Variants in CNTN5 observed in about 807,000 individuals in gnomAD.
CNTN5 encodes the protein contactin-5.
Under a neutral mutation model 129.1 loss-of-function variants are expected in CNTN5, and 77 were observed. That is an observed-to-expected ratio of 0.60 (90% CI 0.50 to 0.72). CNTN5 has a LOEUF of 0.72. CNTN5 is among the 30% of genes least tolerant of loss of function. The pLI is 0.00. For synonymous variants in CNTN5, 509 were observed against 465.6 expected (o/e 1.09, Z -1.20); for missense variants, 1,478 against 1,328.8 (o/e 1.11, Z -1.75).
At chr11:99,195,820 G>T (rs1037462830) in intron 1 of CNTN5, among the ~76,000 whole-genome samples, 2 of 151,904 alleles carry the variant, frequency 1.3e-5, no homozygotes, top group African/African-American at 4.8e-5. Context: ...ATGTTAGTAA[G>T]TATGTCTATT....
intron 4 of CNTN5, among the ~76,000 whole-genome samples, chr11:99,826,539 G>A (rs139958803): frequency 4.4e-4 from 67 of 152,286 alleles, no homozygotes; most frequent in Non-Finnish European, 7.1e-4. Flanking sequence ...AATTTAACCT[G>A]TGTTGTATGA....
At chr11:100,038,237 T>C (rs1401638042) in intron 9 of CNTN5, among the ~76,000 whole-genome samples, 1 of 152,214 alleles carries the variant, frequency 6.6e-6, no homozygotes, top group African/African-American at 2.4e-5. Flanking sequence ...CCAGTAGTCA[T>C]TCAGGAGCAG....
intron 3 of CNTN5, among the ~76,000 whole-genome samples, chr11:99,639,210 C>T (rs1951676088): frequency 6.6e-6 from 1 of 152,184 alleles, no homozygotes; most frequent in South Asian, 2.1e-4. Context: ...CCTTTTCAGC[C>T]ACACCTGGAG....
At chr11:99,048,063 C>T (rs1195466582) in intron 1 of CNTN5, among the ~76,000 whole-genome samples, 6 of 151,570 alleles carry the variant, frequency 4.0e-5, no homozygotes, top group South Asian at 2.1e-4. Context: ...GATTCACAGA[C>T]GTATATACTC....
At position 99,521,539 on chromosome 11, in the gene CNTN5, A is replaced by C. The variant is rs1452930521; in HGVS notation, c.-70-34606A>C. 2.0e-5 allele frequency among the ~76,000 whole-genome samples: 3 copies of C among 152,332 alleles called. No individual in the cohort carries two copies. In the South Asian group the frequency reaches 6.2e-4, roughly 32 times the overall value. Reference sequence around the variant, plus strand: ...CACTAGGTACAAATTTCAATTGATGAATAAAAATGTGAGTCATCCTTTCTT... The same window carrying C: ...CACTAGGTACAAATTTCAATTGATGCATAAAAATGTGAGTCATCCTTTCTT... On this transcript the variant is annotated intron_variant, in intron 2 of 24. Coordinates refer to ENST00000524871, the MANE Select transcript of CNTN5 (RefSeq NM_014361.4).
At chr11:99,709,108 C>A (rs893474104) in intron 3 of CNTN5, among the ~76,000 whole-genome samples, 7 of 151,842 alleles carry the variant, frequency 4.6e-5, no homozygotes, top group Non-Finnish European at 1.0e-4. Flanking sequence ...TAGCTAAGCT[C>A]ATTAGCACAT....
intron 13 of CNTN5, among the ~76,000 whole-genome samples, chr11:100,107,044 A>AAAAAT (rs1241019837): frequency 6.6e-6 from 1 of 152,182 alleles, no homozygotes; most frequent in Non-Finnish European, 1.5e-5. Context: ...TAAAAGTTCA[A>AAAAAT]AAAATAATTA....
rs184638557 is a variant in CNTN5 at position 99,987,692 on chromosome 11, A to G, written c.878-14342A>G. ...ATTGACTACAAAATTGGGAATGGGT[A>G]AATAAATTCTTCCTTGCAAACAATA... On this transcript the variant is annotated intron_variant, in intron 8 of 24. Transcript: ENST00000524871. 1.1e-3 allele frequency among the ~76,000 whole-genome samples: 171 copies of G among 152,156 alleles called. No homozygotes were observed. The South Asian group carries it at 0.012, about 11-fold the overall frequency.
At chr11:99,024,991 T>C (rs2135062837) in intron 1 of CNTN5, among the ~76,000 whole-genome samples, 1 of 152,120 alleles carries the variant, frequency 6.6e-6, no homozygotes, top group Non-Finnish European at 1.5e-5. Context: ...TAAAGTTGTT[T>C]TTTCTCTTTT....
intron 9 of CNTN5, among the ~76,000 whole-genome samples, chr11:100,043,543 A>C (rs570060708): frequency 1.4e-4 from 22 of 152,312 alleles, no homozygotes; most frequent in African/African-American, 4.8e-4. Context: ...CACTTTCCAT[A>C]AACTTGCAGT....
chr11:100,084,336 C>T (rs147374818), intron 13 of CNTN5, among the ~76,000 whole-genome samples: 1 of 152,106 alleles, frequency 6.6e-6, no homozygotes, highest in African/African-American at 2.4e-5. Context: ...GATTCGACTA[C>T]CTCCCCAAGT....
intron 2 of CNTN5, among the ~76,000 whole-genome samples, chr11:99,534,938 T>C (rs955638767): frequency 1.7e-4 from 26 of 152,008 alleles, no homozygotes; most frequent in African/African-American, 6.3e-4. Flanking sequence ...AAGGAGCTGG[T>C]TGTGTTCAGA....
At chr11:100,107,700 AC>A (rs1945494503) in intron 13 of CNTN5, among the ~76,000 whole-genome samples, 1 of 152,060 alleles carries the variant, frequency 6.6e-6, no homozygotes, top group African/African-American at 2.4e-5. Flanking sequence ...CCATATCACC[AC>A]AAATTCATCA....
At chr11:99,068,187 G>T (rs1302843993) in intron 1 of CNTN5, among the ~76,000 whole-genome samples, 1 of 152,064 alleles carries the variant, frequency 6.6e-6, no homozygotes, top group Non-Finnish European at 1.5e-5. Context: ...GTGTAAAAAT[G>T]GTCTAATTCA....
At chr11:99,524,330 A>G (rs1311526252) in intron 2 of CNTN5, among the ~76,000 whole-genome samples, 1 of 152,204 alleles carries the variant, frequency 6.6e-6, no homozygotes, top group Non-Finnish European at 1.5e-5. Context: ...ATTTAAAGGT[A>G]TAATAATATT....
chr11:100,056,003 A>G (rs1943205553), intron 9 of CNTN5, among the ~76,000 whole-genome samples: 1 of 151,636 alleles, frequency 6.6e-6, no homozygotes. Context: ...CATTCTGTAT[A>G]TGAAGCTGTA....
chr11:100,344,396 T>C (rs1952233655), intron 23 of CNTN5, among the ~76,000 whole-genome samples: 1 of 152,164 alleles, frequency 6.6e-6, no homozygotes, highest in Non-Finnish European at 1.5e-5. Flanking sequence ...TTTTGTATAG[T>C]TAAGCTGCTA....
At chr11:100,134,200 A>G (rs1348296804) in intron 13 of CNTN5, among the ~76,000 whole-genome samples, 2 of 152,180 alleles carry the variant, frequency 1.3e-5, no homozygotes, top group Non-Finnish European at 1.5e-5. Flanking sequence ...AAATAAACTT[A>G]TTGAGCATGA....
intron 2 of CNTN5, among the ~76,000 whole-genome samples, chr11:99,363,050 A>G (rs1416220044): frequency 1.3e-5 from 2 of 151,376 alleles, no homozygotes; most frequent in African/African-American, 2.4e-5. Context: ...AGTTTGTGGG[A>G]AAAAAAAATC....
Sources: gnomAD v4.1 joint callset for allele counts (sites outside exome capture counted in the v4.1 genomes callset) on GRCh38, gnomAD v4.1.1 for gene constraint, MANE v1.5 for transcripts, NCBI Gene and HGNC (gene_info 2026-07-23, HGNC 2026-07-21) for gene names.